Variants in MSH5 observed in about 807,000 individuals in gnomAD.
The protein encoded by MSH5 is mutS homolog 5.
MSH5 carries 78 observed loss-of-function variants against 107.7 expected under a neutral mutation model. The observed-to-expected ratio is 0.72, with a 90% CI of 0.60 to 0.87. The LOEUF (loss-of-function observed/expected upper bound fraction) is 0.87, where lower values mean the gene tolerates loss of function less well. MSH5 is among the 40% of genes least tolerant of loss of function. MSH5 has a pLI of 0.00. For synonymous variants in MSH5, 326 were observed against 399.5 expected (o/e 0.82, Z 2.19); for missense variants, 889 against 1,046.6 (o/e 0.85, Z 2.08).
At position 31,753,550 on chromosome 6, in the gene MSH5, A is replaced by G. The variant is rs777038386; in HGVS notation, c.952-17A>G. On this transcript the variant is annotated splice_polypyrimidine_tract_variant and intron_variant, in intron 11 of 24. Coordinates refer to ENST00000375750, the MANE Select transcript of MSH5 (RefSeq NM_172166.4). The stretch of plus-strand genomic sequence containing the variant: ...GAGGGAAGAGAAAACAGCGGCTGTA[A>G]CCTTGTCTGACTGTAGCTGATTCTG... 6.2e-7 allele frequency: 1 copy of G among 1,614,050 alleles called. No individual in the cohort carries two copies. The highest frequency in any genetic ancestry group is 8.5e-7 in the Non-Finnish European group (1 of 1,180,008).
intron 10 of MSH5, among the ~76,000 whole-genome samples, chr6:31,748,207 G>C (rs972890432): frequency 6.6e-6 from 1 of 152,070 alleles, no homozygotes; most frequent in Admixed American, 6.6e-5. Flanking sequence ...ATGCCCACCA[G>C]ATCTGTTCCT....
Position 31,741,260 on chromosome 6 carries a change from A to G in MSH5, c.245A>G (p.His82Arg). The G allele has an allele frequency of 6.2e-7, 1 of 1,612,006 alleles. No individual in the cohort carries two copies. The highest frequency in any genetic ancestry group is 1.1e-5 in the South Asian group (1 of 91,016). The change falls in exon 3 of 25, where the codon CAC (histidine) becomes CGC (arginine). Residue 82 changes from histidine (H) to arginine (R), a missense_variant. Around this residue, in one of 3 missense-constraint regions of MSH5, gnomAD observed 518 missense variants for 565.0 expected, o/e 0.92. Coordinates refer to ENST00000375750, the MANE Select transcript of MSH5 (RefSeq NM_172166.4). ...CACTTCATGCCAGATGCCCCAGACCACGAGAGCCTCAAGCTTCTCCAGAGA... is the reference window on the plus strand; with the variant it reads ...CACTTCATGCCAGATGCCCCAGACCGCGAGAGCCTCAAGCTTCTCCAGAGA... ...TIHFMPDAPD[H>R]ESLKLLQRVL... is the part of the protein sequence containing the mutation.
rs1394471293 is a variant in MSH5 at position 31,759,535 on chromosome 6, A to G, written c.1495+23A>G. ...GGGGTGAGGAAAAGCCAGAGGTTAT[A>G]TGCATTGTAAGATGTTTAAAAAAAG... is the stretch of plus-strand genomic sequence containing the variant. On this transcript the variant is annotated intron_variant, in intron 17 of 24. Transcript: ENST00000375750. The surrounding 1 kb of genome is among the most constrained non-coding windows in gnomAD (Gnocchi z 4.7). The G allele has an allele frequency of 6.2e-7, 1 of 1,611,042 alleles. No homozygotes were observed. Among genetic ancestry groups the G allele is most frequent in the South Asian group, 1.1e-5 (1 of 90,996 alleles).
chr6:31,756,438 C>A (rs1405698087), intron 12 of MSH5, among the ~76,000 whole-genome samples: 1 of 152,026 alleles, frequency 6.6e-6, no homozygotes, highest in African/African-American at 2.4e-5. Flanking sequence ...TCCCAAAGTG[C>A]TGGGATTACA....
intron 10 of MSH5, among the ~76,000 whole-genome samples, chr6:31,750,172 A>T (rs954107646): frequency 3.9e-5 from 6 of 152,248 alleles, no homozygotes; most frequent in Non-Finnish European, 8.8e-5. Flanking sequence ...GAATCATCAT[A>T]TAATCTAATG....
intron 12 of MSH5, among the ~76,000 whole-genome samples, chr6:31,756,166 A>G (rs989726468): frequency 1.1e-4 from 17 of 151,470 alleles, no homozygotes; most frequent in African/African-American, 3.6e-4. Context: ...TCTATTATTC[A>G]TTTATTTATT....
Position 31,740,526 on chromosome 6 carries a change from C to A in MSH5, c.60C>A (p.Ala20=). The change falls in exon 2 of 25, where the codon GCC becomes GCA. Residue 20 remains alanine, a synonymous_variant. Transcript: ENST00000375750. This position sits in a 1 kb window ranked among gnomAD's most constrained non-coding sequence, Gnocchi z 4.4. The part of the protein sequence containing the change: ...RTPQGPRPGA[A]SSGFPSPAPV... ...CGCAGGGACCGAGACCTGGGGCGGC[C>A]TCCTCCGGCTTCCCCAGCCCGGCCC... The A allele has an allele frequency of 6.5e-7, 1 of 1,547,386 alleles. No individual in the cohort carries two copies. The highest frequency in any genetic ancestry group is 8.7e-7 in the Non-Finnish European group (1 of 1,145,978).
intron 10 of MSH5, 139 bp downstream of exon 10, chr6:31,747,571 G>A: frequency 3.7e-6 from 3 of 800,048 alleles, no homozygotes. Flanking sequence ...GCCCTTTACT[G>A]AGCACTGGCT....
At position 31,740,164 on chromosome 6, in the gene MSH5, G is replaced by A. The variant is rs1033702187; in HGVS notation, c.-14+102G>A. 11 of 309,476 alleles carry A rather than the reference G, an allele frequency of 3.6e-5. No homozygotes were observed. The highest frequency in any genetic ancestry group is 8.5e-4 in the Middle Eastern group (1 of 1,176). 19.2% of individuals were successfully genotyped at this position (309,476 alleles called of 1,614,324 possible). A position where few individuals can be genotyped will look rare whatever the true frequency, so the allele number is the denominator to read the frequency against. Reference sequence around the variant, plus strand: ...CTGGCGCGTGGTTGGCAGAGGCAGAGACATAAGACGTGCACGACTCGCCCC... The same window carrying A: ...CTGGCGCGTGGTTGGCAGAGGCAGAAACATAAGACGTGCACGACTCGCCCC... On this transcript the variant is annotated intron_variant, in intron 1 of 24. Coordinates refer to ENST00000375750, the MANE Select transcript of MSH5 (RefSeq NM_172166.4). The surrounding 1 kb of genome is among the most constrained non-coding windows in gnomAD (Gnocchi z 4.4).
At chr6:31,751,950 T>G (rs1809995469) in intron 10 of MSH5, among the ~76,000 whole-genome samples, 1 of 151,048 alleles carries the variant, frequency 6.6e-6, no homozygotes, top group Non-Finnish European at 1.5e-5. Flanking sequence ...AATACAAAAT[T>G]TAGCTGGGCA....
In MSH5 at chr6:31,743,573, C is replaced by G. The variant is rs1583903625; in HGVS notation, c.416-331C>G. The stretch of plus-strand genomic sequence containing the variant: ...TACAATAAGAACAGGAGTGTACTAT[C>G]CTAATTAGATATTAAGGCATTAGTG... On this transcript the variant is annotated intron_variant, in intron 5 of 24. Coordinates refer to ENST00000375750, the MANE Select transcript of MSH5 (RefSeq NM_172166.4). 6 of 453,750 alleles carry G rather than the reference C, an allele frequency of 1.3e-5. No individual in the cohort carries two copies. The East Asian group carries it at 2.4e-4, about 18-fold the overall frequency. 28.1% of individuals were successfully genotyped at this position (453,750 alleles called of 1,614,324 possible). A position where few individuals can be genotyped will look rare whatever the true frequency, so the allele number is the denominator to read the frequency against.
intron 10 of MSH5, among the ~76,000 whole-genome samples, chr6:31,748,550 T>C (rs1019914199): frequency 2.0e-5 from 3 of 151,794 alleles, no homozygotes; most frequent in African/African-American, 4.8e-5. Flanking sequence ...GGTTTCACCA[T>C]GTTGGTCAGG....
At position 31,761,202 on chromosome 6, in the gene MSH5, G is replaced by C; in HGVS notation, c.1977G>C (p.Val659=). The change falls in exon 21 of 25, where the codon GTG becomes GTC. Residue 659 remains valine (V), a synonymous_variant. Coordinates refer to ENST00000375750, the MANE Select transcript of MSH5 (RefSeq NM_172166.4). The surrounding 1 kb of genome is among the most constrained non-coding windows in gnomAD (Gnocchi z 5.3). Reference sequence around the variant, plus strand: ...ATACCCAGCAGGTGGCGAAAGCAGTGAACAATGCCACTGCACAGTCGCTGG... The same window carrying C: ...ATACCCAGCAGGTGGCGAAAGCAGTCAACAATGCCACTGCACAGTCGCTGG... ...MIDLNQVAKA[V]NNATAQSLVL... is the part of the protein sequence containing the mutation. 1 of 1,613,958 alleles carries C rather than the reference G, an allele frequency of 6.2e-7. No homozygotes were observed. Among genetic ancestry groups the C allele is most frequent in the Non-Finnish European group, 8.5e-7 (1 of 1,179,988 alleles).
At chr6:31,746,435 TTTTG>T (rs773823661) in intron 9 of MSH5, 28 of 150,444 alleles carry the variant, frequency 1.9e-4, no homozygotes, top group Admixed American at 5.3e-4. Context: ...CTCTTGAGTT[TTTTG>T]TTTGTTTGTT....
intron 10 of MSH5, among the ~76,000 whole-genome samples, chr6:31,751,238 C>T (rs980119688): frequency 6.6e-6 from 1 of 152,128 alleles, no homozygotes; most frequent in Admixed American, 6.5e-5. Context: ...CCTCGTGACC[C>T]GCCCTCCTTG....
intron 12 of MSH5, 104 bp downstream of exon 12, chr6:31,753,733 CT>C (rs373471152): frequency 0.16 from 133,176 of 812,542 alleles, 234 homozygotes; most frequent in East Asian, 0.22. Context: ...ATTCTACCCT[CT>C]TTTTTTTTTT....
intron 12 of MSH5, among the ~76,000 whole-genome samples, chr6:31,754,961 C>T (rs1420872228): frequency 2.0e-5 from 3 of 151,902 alleles, no homozygotes; most frequent in Non-Finnish European, 4.4e-5. Flanking sequence ...ACCATGTTGG[C>T]CAGGATGGTC....
In MSH5 at chr6:31,758,283, T is replaced by A. The variant is rs774416976; in HGVS notation, c.1133T>A (p.Ile378Asn). 6.2e-7 allele frequency: 1 copy of A among 1,612,748 alleles called. No individual in the cohort carries two copies. The highest frequency in any genetic ancestry group is 8.5e-7 in the Non-Finnish European group (1 of 1,179,958). Residue 378 changes from isoleucine (I) to asparagine (N), a missense_variant, in exon 13 of 25, where the codon ATT becomes AAT. Physicochemically the swap from Ile to Asn is moderately radical, Grantham distance 149 (BLOSUM62 -3). Coordinates refer to ENST00000375750, the MANE Select transcript of MSH5 (RefSeq NM_172166.4). The surrounding 1 kb of genome is among the most constrained non-coding windows in gnomAD (Gnocchi z 5.1). ...GACCTGCACCATATCGCCAGCCTCA[T>A]TGGGAAAGTAGTGAGTAGAAGGAAA... is the stretch of plus-strand genomic sequence containing the variant. Reference protein sequence around the residue: ...SDDLHHIASLIGKVVDFEGSL... With the variant: ...SDDLHHIASLNGKVVDFEGSL...
In MSH5 at chr6:31,758,963, T is replaced by C. The variant is rs1310578217; in HGVS notation, c.1326+88T>C. The stretch of plus-strand genomic sequence containing the variant: ...AAGACATACTGGTAGATAAGAAAAC[T>C]TGTGGGGCAGCCTGAAGAACATGAA... On this transcript the variant is annotated intron_variant, in intron 15 of 24. Coordinates refer to ENST00000375750, the MANE Select transcript of MSH5 (RefSeq NM_172166.4). This position sits in a 1 kb window ranked among gnomAD's most constrained non-coding sequence, Gnocchi z 5.1. The C allele has an allele frequency of 2.1e-6, 3 of 1,434,028 alleles. No homozygotes were observed. The African/African-American group carries it at 4.2e-5, about 20-fold the overall frequency. 88.8% of individuals were successfully genotyped at this position (1,434,028 alleles called of 1,614,324 possible).
Sources: allele counts gnomAD v4.1 joint callset (sites outside exome capture counted in the v4.1 genomes callset), GRCh38; gene constraint gnomAD v4.1.1; regional missense constraint gnomAD v4.1.1; non-coding constraint Gnocchi (gnomAD v3.1); transcripts MANE v1.5; gene names NCBI Gene and HGNC (gene_info 2026-07-23, HGNC 2026-07-21).